Variants in RYR1 observed in about 807,000 individuals in gnomAD.
RYR1 encodes central core disease of muscle.
Under a neutral mutation model 583.5 loss-of-function variants are expected in RYR1, and 342 were observed. The ratio of observed to expected loss-of-function variants is 0.59; its 90% confidence interval spans 0.54 to 0.64. RYR1 has a LOEUF of 0.64. Among genes scored for constraint, RYR1 ranks in the 30% least tolerant of loss-of-function variants. The probability of loss-of-function intolerance (pLI) is 0.00; values close to 1 mark genes in which losing one functional copy is unlikely to be tolerated. For synonymous variants in RYR1, 2,791 were observed against 2,822.5 expected, an observed-to-expected ratio of 0.99 and a Z score of 0.35; for missense variants, 6,032 against 6,917.2, an observed-to-expected ratio of 0.87 and a Z score of 4.54.
Position 38,506,998 on chromosome 19 carries a change from C to T in RYR1, c.8816+46C>T, listed in dbSNP as rs375134421. On this transcript the variant is annotated intron_variant, in intron 57 of 105. Coordinates refer to ENST00000359596, the MANE Select transcript of RYR1 (RefSeq NM_000540.3). ...GCGGAAGAGCAGCAGGCAGAACACACCCGGCAAAGGCTGGAAGGGGCGGGG... is the reference window on the plus strand; with the variant it reads ...GCGGAAGAGCAGCAGGCAGAACACATCCGGCAAAGGCTGGAAGGGGCGGGG... 1.4e-4 allele frequency: 232 copies of T among 1,611,308 alleles called. 1 individual carries two copies. The highest frequency in any genetic ancestry group is 2.7e-5 in the African/African-American group (2 of 74,806).
intron 66 of RYR1, among the ~76,000 whole-genome samples, 182 bp downstream of exon 66, chr19:38,517,873 C>T (rs1971047683): frequency 6.6e-6 from 1 of 152,194 alleles, no homozygotes; most frequent in Non-Finnish European, 1.5e-5. Flanking sequence ...AACACCAACA[C>T]TTTGGGAGGA....
chr19:38,550,078 C>T (rs560541448), intron 89 of RYR1, among the ~76,000 whole-genome samples: 1 of 152,142 alleles, frequency 6.6e-6, no homozygotes, highest in Non-Finnish European at 1.5e-5. Flanking sequence ...CTTTGAAACA[C>T]TTCAGCGTGT....
At chr19:38,564,936 C>G in intron 90 of RYR1, 23 bp from the exon 91 acceptor site, 2 of 1,562,134 alleles carry the variant, frequency 1.3e-6, no homozygotes, top group Non-Finnish European at 1.7e-6. Flanking sequence ...GCGCCCTATC[C>G]TGTCTGCCGC....
chr19:38,438,116 C>G (rs1420641505), intron 1 of RYR1, among the ~76,000 whole-genome samples: 1 of 151,968 alleles, frequency 6.6e-6, no homozygotes, highest in East Asian at 1.9e-4. Context: ...CCCTCAACAC[C>G]CCAGCACCCA....
Position 38,535,231 on chromosome 19 carries a change from C to T in RYR1, c.11439+11C>T. The T allele has an allele frequency of 6.2e-7, 1 of 1,614,064 alleles. No homozygotes were observed. The highest frequency in any genetic ancestry group is 8.5e-7 in the Non-Finnish European group (1 of 1,179,976). On this transcript the variant is annotated intron_variant, in intron 80 of 105. Coordinates refer to ENST00000359596, the MANE Select transcript of RYR1 (RefSeq NM_000540.3). The stretch of plus-strand genomic sequence containing the variant: ...GCTGAGGTCCAGCAGGTAACAGAGG[C>T]AAAGGGACTTCAGAAGAAGGCAAGG...
At chr19:38,557,252 AATGAGT>A (rs1333845489) in intron 89 of RYR1, among the ~76,000 whole-genome samples, 1 of 151,976 alleles carries the variant, frequency 6.6e-6, no homozygotes, top group Admixed American at 6.6e-5. Flanking sequence ...TCACTTGACA[AATGAGT>A]ATGAGTACCT....
chr19:38,575,986 T>G, intron 97 of RYR1, 25 bp downstream of exon 97: 1 of 1,613,984 alleles, frequency 6.2e-7, no homozygotes, highest in Non-Finnish European at 8.5e-7. Context: ...ATGCCCTGGG[T>G]CCTGGATTGG....
At chr19:38,507,007 G>T in intron 57 of RYR1, 55 bp downstream of exon 57, 1 of 1,610,898 alleles carries the variant, frequency 6.2e-7, no homozygotes, top group Non-Finnish European at 8.5e-7. Context: ...ACCCGGCAAA[G>T]GCTGGAAGGG....
At chr19:38,445,742 A>G (rs1057002066) in intron 7 of RYR1, among the ~76,000 whole-genome samples, 10 of 152,194 alleles carry the variant, frequency 6.6e-5, no homozygotes, top group Non-Finnish European at 1.5e-4. Context: ...TAATCCCAGC[A>G]CTTTGAGGGG....
chr19:38,523,398 G>GCC, intron 69 of RYR1, 89 bp downstream of exon 69: 2 of 1,508,794 alleles, frequency 1.3e-6, no homozygotes, highest in Non-Finnish European at 9.2e-7. Context: ...CACCCAGCCA[G>GCC]CCCGTCCTGG....
In RYR1 at chr19:38,502,931, C is replaced by G. The variant is rs759821097; in HGVS notation, c.7887C>G (p.Asp2629Glu). The G allele has an allele frequency of 4.3e-6, 7 of 1,611,366 alleles. No individual in the cohort carries two copies. The highest frequency in any genetic ancestry group is 2.5e-6 in the Non-Finnish European group (3 of 1,179,998). Residue 2629 changes from aspartate (D) to glutamate (E), a missense_variant, in exon 49 of 106, where the codon GAC becomes GAG. Physicochemically the swap from Asp to Glu is conservative, Grantham distance 45. Around this residue, in one of 11 missense-constraint regions of RYR1, gnomAD observed 250 missense variants for 162.3 expected, o/e 1.54. Transcript: ENST00000359596. ...ACCTGTTGCGCCGCCTGGTGTTCGA[C>G]GTGCCCATCCTCAACGAGTTCGCCA... is the stretch of plus-strand genomic sequence containing the variant. ...LQHLLRRLVFDVPILNEFAKM... is the reference protein window; with the variant it reads ...LQHLLRRLVFEVPILNEFAKM...
At chr19:38,559,435 T>G (rs1973026929) in intron 89 of RYR1, among the ~76,000 whole-genome samples, 2 of 151,954 alleles carry the variant, frequency 1.3e-5, no homozygotes, top group Non-Finnish European at 2.9e-5. Flanking sequence ...GGTTTCACCA[T>G]GTTGTCCAGG....
At chr19:38,490,430 C>A (rs972607981) in intron 36 of RYR1, among the ~76,000 whole-genome samples, 154 bp downstream of exon 36, 1 of 152,226 alleles carries the variant, frequency 6.6e-6, no homozygotes, top group Non-Finnish European at 1.5e-5. Context: ...ATCAACCTGA[C>A]CTCTGAGTCA....
chr19:38,503,946 G>C (rs1360028400), intron 49 of RYR1, among the ~76,000 whole-genome samples: 1 of 151,994 alleles, frequency 6.6e-6, no homozygotes, highest in Admixed American at 6.6e-5. Context: ...ATATTAGCAC[G>C]CTTATTTGTG....
At chr19:38,563,190 C>T (rs1217474674) in intron 90 of RYR1, among the ~76,000 whole-genome samples, 4 of 152,252 alleles carry the variant, frequency 2.6e-5, no homozygotes, top group East Asian at 1.9e-4. Context: ...TCCACTTTCC[C>T]CTGCTTCTCA....
At position 38,573,421 on chromosome 19, in the gene RYR1, CCTGTAAT is replaced by C. The variant is rs1489987883; in HGVS notation, c.14129+116_14129+122del. 5.6e-5 allele frequency: 75 copies of C among 1,350,648 alleles called. No individual in the cohort carries two copies. In the Middle Eastern group the frequency reaches 8.2e-4, roughly 15 times the overall value. The allele number at this position is 1,350,648 out of a possible 1,614,324, so 83.7% of individuals were successfully genotyped here. The stretch of plus-strand genomic sequence containing the variant: ...TTCGGTCCGGGCACGGTGGCTCACA[CCTGTAAT>C]CCCGGCACTTTGGGAGGCTAAGGCG... On this transcript the variant is annotated intron_variant, in intron 96 of 105. Coordinates refer to ENST00000359596, the MANE Select transcript of RYR1 (RefSeq NM_000540.3).
rs764016241 is a variant in RYR1, at chr19:38,573,177, G to C, written c.13999G>C (p.Val4667Leu). 9.9e-6 allele frequency: 16 copies of C among 1,613,776 alleles called. No homozygotes were observed. In the East Asian group the frequency reaches 3.3e-4, roughly 34 times the overall value. The change falls in exon 96 of 106, where the codon GTG (valine) becomes CTG (leucine). Residue 4667 changes from valine to leucine, a missense_variant and splice_region_variant. This residue lies in a region of RYR1 where 188 missense variants were observed against 215.6 expected (regional missense o/e 0.87). Transcript: ENST00000359596. ...LCIIGYNCLK[V>L]PLVIFKREKE... ...CCTTTGGCCTCCTCCCACTATCCAG[G>C]TGCCCCTGGTAATCTTTAAGCGGGA...
Position 38,565,713 on chromosome 19 carries a change from C to A in RYR1, c.13379C>A (p.Thr4460Lys), listed in dbSNP as rs955320442. 4.2e-6 allele frequency: 6 copies of A among 1,426,260 alleles called. No homozygotes were observed. Among genetic ancestry groups the A allele is most frequent in the Non-Finnish European group, 5.5e-6 (6 of 1,098,060 alleles). The allele number at this position is 1,426,260 out of a possible 1,614,324, so 88.4% of individuals were successfully genotyped here. A position where few individuals can be genotyped will look rare whatever the true frequency, so the allele number is the denominator to read the frequency against. Residue 4460 changes from threonine (T) to lysine (K), a missense_variant, in exon 91 of 106, where the codon ACG becomes AAG. Thr to Lys is a moderately conservative substitution (Grantham distance 78). Around this residue, in one of 11 missense-constraint regions of RYR1, gnomAD observed 753 missense variants for 759.6 expected, o/e 0.99. Coordinates refer to ENST00000359596, the MANE Select transcript of RYR1 (RefSeq NM_000540.3). This position sits in a 1 kb window ranked among gnomAD's most constrained non-coding sequence, Gnocchi z 4.7. The part of the protein sequence containing the change: ...GAGGLGDMGD[T>K]TPAEPPTPEG... ...GGCGGTCTCGGGGACATGGGGGACACGACGCCTGCGGAACCGCCCACACCC... is the reference window on the plus strand; with the variant it reads ...GGCGGTCTCGGGGACATGGGGGACAAGACGCCTGCGGAACCGCCCACACCC...
chr19:38,574,302 A>G lies in RYR1; in HGVS notation c.14129+995A>G, dbSNP rs568009492. The stretch of plus-strand genomic sequence containing the variant: ...GAAAAGAAAAAGAAAGGAAAAAAAA[A>G]AAAGAAAGAAAAGAAATCATTAGGG... On this transcript the variant is annotated intron_variant, in intron 96 of 105. Transcript: ENST00000359596. 3.0e-4 allele frequency among the ~76,000 whole-genome samples: 45 copies of G among 151,592 alleles called. No individual in the cohort carries two copies. In the South Asian group the frequency reaches 5.0e-3, roughly 17 times the overall value.
Sources: allele counts gnomAD v4.1 joint callset (sites outside exome capture counted in the v4.1 genomes callset), GRCh38; gene constraint gnomAD v4.1.1; regional missense constraint gnomAD v4.1.1; non-coding constraint Gnocchi (gnomAD v3.1); transcripts MANE v1.5; gene names NCBI Gene and HGNC (gene_info 2026-07-23, HGNC 2026-07-21).